The following CPEB1 variants were observed in gnomAD, a reference collection of about 807,000 sequenced individuals.
The protein encoded by CPEB1 is cytoplasmic polyadenylation element-binding protein 1.
CPEB1 carries 7 observed loss-of-function variants against 65.8 expected under a neutral mutation model. The observed-to-expected ratio is 0.11, with a 90% CI of 0.06 to 0.20. The LOEUF (loss-of-function observed/expected upper bound fraction) is 0.20. Among genes scored for constraint, CPEB1 ranks in the 10% least tolerant of loss-of-function variants. The pLI, the probability that CPEB1 is intolerant of heterozygous loss-of-function variation, is 1.00. For synonymous variants in CPEB1, 262 were observed against 260.0 expected (o/e 1.01, Z -0.08); for missense variants, 551 against 712.2 (o/e 0.77, Z 2.58).
At chr15:82,553,838 C>A in intron 7 of CPEB1, 40 bp downstream of exon 7, 9 of 1,365,038 alleles carry the variant, frequency 6.6e-6, no homozygotes, top group Non-Finnish European at 9.4e-6. Flanking sequence ...AGACATGCCC[C>A]ACCCTTCAAC....
At chr15:82,555,721 C>G (rs1187084703) in intron 6 of CPEB1, 149 bp downstream of exon 6, 2 of 826,628 alleles carry the variant, frequency 2.4e-6, no homozygotes, top group Non-Finnish European at 3.6e-6. Context: ...AGTATTTACT[C>G]CACAGAAAGA....
At chr15:82,558,096 A>G in intron 4 of CPEB1, 110 bp from the exon 5 acceptor site, 2 of 717,184 alleles carry the variant, frequency 2.8e-6, no homozygotes, top group South Asian at 2.0e-5. Flanking sequence ...CAAGACAACT[A>G]AAAGCATGCC....
Position 82,623,323 on chromosome 15 carries a change from C to T in CPEB1, c.271+3870G>A, listed in dbSNP as rs143470510. Among the ~76,000 whole-genome samples, 668 of 152,218 alleles carry T rather than the reference C, an allele frequency of 4.4e-3. 3 individuals are homozygous for T. The highest frequency in any genetic ancestry group is 6.2e-3 in the Non-Finnish European group (423 of 68,002). On this transcript the variant is annotated intron_variant, in intron 3 of 12. Coordinates refer to ENST00000684509, the MANE Select transcript of CPEB1 (RefSeq NM_001365242.1). ...TGAAACACTGTGTTAGGAAACACAC[C>T]ATTTGAAAATTTATTACAAAATGTT...
chr15:82,618,390 C>T (rs1039181754), intron 3 of CPEB1, among the ~76,000 whole-genome samples: 5 of 152,100 alleles, frequency 3.3e-5, no homozygotes, highest in East Asian at 1.9e-4. Flanking sequence ...ATGCACAATA[C>T]GTATGTATGT....
intron 3 of CPEB1, among the ~76,000 whole-genome samples, chr15:82,609,890 G>A (rs1232531508): frequency 2.0e-5 from 3 of 151,688 alleles, no homozygotes; most frequent in Non-Finnish European, 4.4e-5. Flanking sequence ...GAAAAACTCC[G>A]TCTCTACTAA....
At chr15:82,638,182 A>C (rs1386467444) in intron 1 of CPEB1, among the ~76,000 whole-genome samples, 2 of 152,188 alleles carry the variant, frequency 1.3e-5, no homozygotes, top group African/African-American at 4.8e-5. Context: ...GTGGCTATTA[A>C]TACTACACCA....
intron 7 of CPEB1, 146 bp downstream of exon 7, chr15:82,553,732 T>A (rs1361317955): frequency 1.3e-6 from 1 of 751,110 alleles, no homozygotes; most frequent in Non-Finnish European, 2.3e-6. Context: ...TGGGGGTCTA[T>A]GAAATGCACC....
At chr15:82,639,290 T>C (rs1198428404) in intron 1 of CPEB1, among the ~76,000 whole-genome samples, 1 of 152,214 alleles carries the variant, frequency 6.6e-6, no homozygotes. Flanking sequence ...CAACATTCAC[T>C]TATCTGTACA....
Position 82,642,836 on chromosome 15 carries a change from C to G in CPEB1, c.-98+4301G>C, listed in dbSNP as rs72751681. On this transcript the variant is annotated intron_variant, in intron 1 of 12. Coordinates refer to ENST00000684509, the MANE Select transcript of CPEB1 (RefSeq NM_001365242.1). Reference sequence around the variant, plus strand: ...GAGAAAATAATTTGTTATTTGATCCCATGATTCTTTTACTGCCTCCAATAC... The same window carrying G: ...GAGAAAATAATTTGTTATTTGATCCGATGATTCTTTTACTGCCTCCAATAC... 7.7e-3 allele frequency among the ~76,000 whole-genome samples: 1,165 copies of G among 152,258 alleles called. 13 individuals carry two copies. The highest frequency in any genetic ancestry group is 8.5e-3 in the Non-Finnish European group (577 of 68,018).
intron 4 of CPEB1, among the ~76,000 whole-genome samples, chr15:82,565,480 A>G (rs2038973890): frequency 6.6e-6 from 1 of 152,210 alleles, no homozygotes; most frequent in South Asian, 2.1e-4. Context: ...GACTGTTCCC[A>G]TTTATATTCA....
Position 82,590,227 on chromosome 15 carries a change from A to C in CPEB1, c.272-18695T>G, listed in dbSNP as rs200942603. Among the ~76,000 whole-genome samples, 90 of 150,712 alleles carry C rather than the reference A, an allele frequency of 6.0e-4. 1 individual carries two copies. Among genetic ancestry groups the C allele is most frequent in the East Asian group, 3.5e-3 (18 of 5,172 alleles). ...CCTTTGACAAAAAAAAAAAAAAAAA[A>C]AAAAAAAAAAAAACAGTTGTTAGTC... On this transcript the variant is annotated intron_variant, in intron 3 of 12. Transcript: ENST00000684509.
intron 1 of CPEB1, among the ~76,000 whole-genome samples, chr15:82,633,476 G>C (rs2046418226): frequency 6.6e-6 from 1 of 152,210 alleles, no homozygotes; most frequent in Admixed American, 6.5e-5. Context: ...GGGTTCAAGT[G>C]ATTCTCCTGC....
chr15:82,627,427 C>T (rs1160733613), intron 2 of CPEB1, 60 bp from the exon 3 acceptor site: 4 of 1,284,058 alleles, frequency 3.1e-6, no homozygotes, highest in Non-Finnish European at 4.3e-6. Context: ...CCCCCTTTCT[C>T]TCCACATTAC....
rs748700912 is a variant in CPEB1, at chr15:82,627,354, C to G, written c.110G>C (p.Gly37Ala). ...LLLIPLEEEAGRIKDCWDNQE... is the reference protein window; with the variant it reads ...LLLIPLEEEAARIKDCWDNQE... ...GTTGTCCCAGCAATCTTTTATCCTT[C>G]CTGCTTCTTCTTCCTAGACACAGAA... The change falls in exon 3 of 13, where the codon GGA becomes GCA. Residue 37 changes from glycine to alanine, a missense_variant. Coordinates refer to ENST00000684509, the MANE Select transcript of CPEB1 (RefSeq NM_001365242.1). 1 of 1,611,492 alleles carries G rather than the reference C, an allele frequency of 6.2e-7. No individual in the cohort carries two copies. Among genetic ancestry groups the G allele is most frequent in the Non-Finnish European group, 8.5e-7 (1 of 1,179,070 alleles).
intron 1 of CPEB1, among the ~76,000 whole-genome samples, chr15:82,645,958 A>G (rs2047479069): frequency 6.6e-6 from 1 of 152,140 alleles, no homozygotes; most frequent in Non-Finnish European, 1.5e-5. Flanking sequence ...GCTCCAAGCC[A>G]GCTCAATGGG....
chr15:82,594,987 C>T (rs1031854933), intron 3 of CPEB1, among the ~76,000 whole-genome samples: 4 of 152,112 alleles, frequency 2.6e-5, no homozygotes, highest in Non-Finnish European at 4.4e-5. Flanking sequence ...ATTACAATAG[C>T]AGCAAAGCAA....
At chr15:82,632,123 A>G (rs762649815) in intron 1 of CPEB1, among the ~76,000 whole-genome samples, 3 of 151,382 alleles carry the variant, frequency 2.0e-5, no homozygotes, top group South Asian at 2.1e-4. Flanking sequence ...CTGGGACTAC[A>G]TACGCCCGCC....
chr15:82,642,116 T>A (rs2047165689), intron 1 of CPEB1, among the ~76,000 whole-genome samples: 1 of 152,258 alleles, frequency 6.6e-6, no homozygotes, highest in Admixed American at 6.5e-5. Flanking sequence ...GCAGGTCCTA[T>A]CTTCAACATA....
At chr15:82,609,503 A>AC (rs1270901295) in intron 3 of CPEB1, among the ~76,000 whole-genome samples, 1 of 148,084 alleles carries the variant, frequency 6.8e-6, no homozygotes, top group Non-Finnish European at 1.5e-5. Flanking sequence ...CCTGTCTCAG[A>AC]AAAAAAAAAA....
Sources: allele counts gnomAD v4.1 joint callset (sites outside exome capture counted in the v4.1 genomes callset), GRCh38; gene constraint gnomAD v4.1.1; transcripts MANE v1.5; gene names NCBI Gene and HGNC (gene_info 2026-07-23, HGNC 2026-07-21).